SHROOM2: variants seen among roughly 807,000 people sequenced by gnomAD.
SHROOM2 encodes shroom family member 2.
SHROOM2 carries 33 observed loss-of-function variants against 75.9 expected under a neutral mutation model. The observed-to-expected ratio is 0.43, with a 90% CI of 0.33 to 0.58. The LOEUF (loss-of-function observed/expected upper bound fraction) is 0.58. Among genes scored for constraint, SHROOM2 ranks in the 20% least tolerant of loss-of-function variants. The pLI, the probability that SHROOM2 is intolerant of heterozygous loss-of-function variation, is 0.04. For synonymous variants in SHROOM2, 655 were observed against 663.6 expected, an observed-to-expected ratio of 0.99 and a Z score of 0.20; for missense variants, 1,434 against 1,461.2, an observed-to-expected ratio of 0.98 and a Z score of 0.30.
At chrX:9,917,535 T>TTG (rs56120057) in intron 5 of SHROOM2, among the ~76,000 whole-genome samples, 14,825 of 102,243 alleles carry the variant, frequency 0.14, 891 homozygotes, top group East Asian at 0.21. Context: ...TGTTGTTGTT[T>TTG]TTTGAGATGG....
chrX:9,887,954 A>G (rs1312168729), intron 2 of SHROOM2, among the ~76,000 whole-genome samples: 3 of 113,355 alleles, frequency 2.6e-5, no homozygotes, highest in Non-Finnish European at 5.6e-5. Context: ...AGCACTCGCA[A>G]TGTGGCCAGA....
chrX:9,895,593 G>C lies in SHROOM2; in HGVS notation c.1685G>C (p.Ser562Thr), dbSNP rs760061083. The change falls in exon 4 of 10, where the codon AGC becomes ACC. Residue 562 changes from serine (S) to threonine (T), a missense_variant. Physicochemically the swap from Ser to Thr is moderately conservative, Grantham distance 58. Transcript: ENST00000380913. ...PPRASRAEKA[S>T]QRLAASITWA... Reference sequence around the variant, plus strand: ...AGGGCCAGCCGTGCAGAAAAAGCCAGCCAGAGGCTGGCAGCCAGCATCACG... The same window carrying C: ...AGGGCCAGCCGTGCAGAAAAAGCCACCCAGAGGCTGGCAGCCAGCATCACG... The C allele has an allele frequency of 8.6e-6, 10 of 1,164,572 alleles. No homozygotes were observed. In the African/African-American group the frequency reaches 1.8e-4, roughly 21 times the overall value.
chrX:9,883,195 G>A, intron 2 of SHROOM2, among the ~76,000 whole-genome samples: 1 of 112,474 alleles, frequency 8.9e-6, no homozygotes, highest in Non-Finnish European at 1.9e-5. Context: ...GCTCTCACAA[G>A]TGCGGACTCA....
chrX:9,830,573 AC>A (rs1234104930), intron 1 of SHROOM2, among the ~76,000 whole-genome samples: 1 of 94,474 alleles, frequency 1.1e-5, no homozygotes, highest in Non-Finnish European at 2.1e-5. Context: ...TCTCAAGTGA[AC>A]CCCTGGTTTC....
chrX:9,879,997 A>G (rs2084222758), intron 2 of SHROOM2, among the ~76,000 whole-genome samples: 1 of 95,326 alleles, frequency 1.0e-5, no homozygotes, highest in South Asian at 4.6e-4. Flanking sequence ...TTTAGGAGAA[A>G]AGGTTGATCT....
intron 1 of SHROOM2, among the ~76,000 whole-genome samples, chrX:9,792,907 A>T (rs1418791681): frequency 9.0e-6 from 1 of 110,827 alleles, no homozygotes; most frequent in Non-Finnish European, 1.9e-5. Context: ...ACAGGGTTTC[A>T]CCATGGTAGC....
chrX:9,920,249 C>G (rs1041509176), intron 5 of SHROOM2, among the ~76,000 whole-genome samples: 5 of 112,510 alleles, frequency 4.4e-5, no homozygotes, highest in African/African-American at 1.6e-4. Flanking sequence ...CAGACAGTAC[C>G]TCTCAAGTCA....
intron 6 of SHROOM2, among the ~76,000 whole-genome samples, chrX:9,933,351 G>T (rs1289501576): frequency 1.8e-5 from 2 of 110,624 alleles, no homozygotes; most frequent in African/African-American, 6.6e-5. Flanking sequence ...AGCTAAGCTG[G>T]TATATACCTT....
chrX:9,942,909 G>A (rs894306794), intron 8 of SHROOM2, among the ~76,000 whole-genome samples: 2 of 111,453 alleles, frequency 1.8e-5, no homozygotes, highest in African/African-American at 6.5e-5. Flanking sequence ...TAGGTGTGCC[G>A]CAGGACCCTT....
At chrX:9,797,659 C>G (rs1423664055) in intron 1 of SHROOM2, among the ~76,000 whole-genome samples, 1 of 112,202 alleles carries the variant, frequency 8.9e-6, no homozygotes, top group Non-Finnish European at 1.9e-5. Flanking sequence ...TTTCTCTCAG[C>G]TGGTAATTTA....
intron 1 of SHROOM2, among the ~76,000 whole-genome samples, chrX:9,792,159 T>TAATAGAATAGGAA (rs1555919910): frequency 4.0e-4 from 3 of 7,413 alleles, no homozygotes; most frequent in African/African-American, 9.8e-4. Flanking sequence ...TAGAATAGAA[T>TAATAGAATAGGAA]AATCACCAGT....
chrX:9,887,657 G>A (rs2084268200), intron 2 of SHROOM2, among the ~76,000 whole-genome samples: 1 of 112,461 alleles, frequency 8.9e-6, no homozygotes, highest in East Asian at 2.8e-4. Flanking sequence ...GTACTCAGAA[G>A]CATGCTATGT....
intron 8 of SHROOM2, among the ~76,000 whole-genome samples, chrX:9,941,650 G>A (rs948141972): frequency 6.3e-5 from 7 of 111,524 alleles, no homozygotes; most frequent in African/African-American, 1.9e-4. Context: ...CTACATTTCC[G>A]TAATTGCTGA....
chrX:9,939,909 C>T (rs1388493604), intron 8 of SHROOM2, among the ~76,000 whole-genome samples: 1 of 111,685 alleles, frequency 9.0e-6, no homozygotes, highest in Non-Finnish European at 1.9e-5. Context: ...ACCTCAGCCC[C>T]TCGAGTAGCT....
chrX:9,894,370 C>A lies in SHROOM2; in HGVS notation c.462C>A (p.His154Gln), dbSNP rs775238729. 1 of 1,204,158 alleles carries A rather than the reference C, an allele frequency of 8.3e-7. No homozygotes were observed. Among genetic ancestry groups the A allele is most frequent in the African/African-American group, 1.8e-5 (1 of 56,977 alleles). ...CTCATTCTTGCAGTTCTTCCTCCCA[C>A]GACCTGTCCAGTTCCTGGGAGCAGA... ...SGRHHASSSSHDLSSSWEQTN... is the reference protein window; with the variant it reads ...SGRHHASSSSQDLSSSWEQTN... The change falls in exon 4 of 10, where the codon CAC becomes CAA. Residue 154 changes from histidine to glutamine, a missense_variant. His to Gln is a conservative substitution (Grantham distance 24, BLOSUM62 0). This residue lies in a region of SHROOM2 where 1,340 missense variants were observed against 1,338.3 expected (regional missense o/e 1.00). Transcript: ENST00000380913.
At chrX:9,831,410 G>A (rs1019469191) in intron 1 of SHROOM2, among the ~76,000 whole-genome samples, 1 of 112,171 alleles carries the variant, frequency 8.9e-6, no homozygotes, top group Non-Finnish European at 1.9e-5. Context: ...TGTAATCCCA[G>A]CACTTTGGGA....
At chrX:9,862,089 G>C (rs1187578413) in intron 1 of SHROOM2, among the ~76,000 whole-genome samples, 1 of 112,330 alleles carries the variant, frequency 8.9e-6, no homozygotes, top group Non-Finnish European at 1.9e-5. Context: ...GTTGCACAGA[G>C]ATCGTGTACA....
At chrX:9,863,040 A>G in intron 1 of SHROOM2, among the ~76,000 whole-genome samples, 1 of 110,651 alleles carries the variant, frequency 9.0e-6, no homozygotes, top group Non-Finnish European at 1.9e-5. Flanking sequence ...GAGGAGGCAC[A>G]CACCTTTGGG....
intron 1 of SHROOM2, among the ~76,000 whole-genome samples, chrX:9,837,696 T>G (rs1166511360): frequency 1.8e-5 from 2 of 112,235 alleles, no homozygotes; most frequent in African/African-American, 6.5e-5. Flanking sequence ...GGCCTGGTCG[T>G]GTGCTTGATC....
Sources: gnomAD v4.1 joint callset for allele counts (sites outside exome capture counted in the v4.1 genomes callset) on GRCh38, gnomAD v4.1.1 for gene constraint, gnomAD v4.1.1 regional missense constraint, MANE v1.5 for transcripts, NCBI Gene and HGNC (gene_info 2026-07-23, HGNC 2026-07-21) for gene names.